Variants in AOAH observed in about 807,000 individuals in gnomAD.
The protein encoded by AOAH is acyloxyacyl hydrolase.
Under a neutral mutation model 92.2 loss-of-function variants are expected in AOAH, and 64 were observed. The ratio of observed to expected loss-of-function variants is 0.69; its 90% CI spans 0.57 to 0.86. The LOEUF is 0.86. Ranked by LOEUF, AOAH falls within the 40% of genes least tolerant of loss-of-function variation. The pLI, the probability that AOAH is intolerant of heterozygous loss-of-function variation, is 0.00. For missense variants in AOAH, 656 were observed against 694.6 expected, an observed-to-expected ratio of 0.94 and a Z score of 0.62; for synonymous variants, 263 against 254.5, an observed-to-expected ratio of 1.03 and a Z score of -0.32.
At chr7:36,714,936 C>G (rs1163634199) in intron 1 of AOAH, among the ~76,000 whole-genome samples, 1 of 152,164 alleles carries the variant, frequency 6.6e-6, no homozygotes, top group Admixed American at 6.5e-5. Context: ...GATGCCCTCT[C>G]TCACCACACC....
intron 13 of AOAH, among the ~76,000 whole-genome samples, chr7:36,569,110 C>T (rs1480121109): frequency 6.6e-6 from 1 of 152,132 alleles, no homozygotes; most frequent in Non-Finnish European, 1.5e-5. Flanking sequence ...AGTGGGCGAA[C>T]AGAGAGGGGA....
chr7:36,695,447 T>A (rs1024255416), intron 1 of AOAH, among the ~76,000 whole-genome samples: 1 of 152,078 alleles, frequency 6.6e-6, no homozygotes, highest in African/African-American at 2.4e-5. Context: ...CTGCTAGGCG[T>A]TTTTTACAAA....
chr7:36,698,194 ACTCTCC>A (rs953662944), intron 1 of AOAH, among the ~76,000 whole-genome samples: 11 of 151,494 alleles, frequency 7.3e-5, no homozygotes, highest in Middle Eastern at 3.4e-3. Context: ...TTTTATCTAA[ACTCTCC>A]CTCTACCTTC....
intron 19 of AOAH, 100 bp from the exon 20 acceptor site, chr7:36,522,215 C>G (rs1176846608): frequency 9.4e-7 from 1 of 1,058,708 alleles, no homozygotes; most frequent in African/African-American, 1.6e-5. Context: ...CTCCCGGGCC[C>G]ATGTTGACCA....
intron 11 of AOAH, among the ~76,000 whole-genome samples, chr7:36,594,917 A>G (rs1207658011): frequency 6.6e-6 from 1 of 152,068 alleles, no homozygotes; most frequent in Non-Finnish European, 1.5e-5. Context: ...ATTTTTGAGA[A>G]TCTAATTGTG....
In AOAH at chr7:36,594,491, G is replaced by A. The variant is rs527897477; in HGVS notation, c.847-61C>T. 237 of 1,365,890 alleles carry A rather than the reference G, an allele frequency of 1.7e-4. 3 individuals carry two copies. The South Asian group carries it at 2.6e-3, about 15-fold the overall frequency. The allele number at this position is 1,365,890 out of a possible 1,614,324, so 84.6% of individuals were successfully genotyped here. On this transcript the variant is annotated intron_variant, in intron 11 of 20. Transcript: ENST00000617537. ...GTCATTTATTTTCTAAAGGTAGTAA[G>A]AAAATTCATGGCCTGAGTGTTGCTC...
chr7:36,527,576 A>G (rs900261418), intron 19 of AOAH, among the ~76,000 whole-genome samples: 6 of 151,724 alleles, frequency 4.0e-5, no homozygotes, highest in African/African-American at 1.5e-4. Context: ...CTTCATACAC[A>G]CGGATGATGG....
chr7:36,576,585 A>G lies in AOAH; in HGVS notation c.1010T>C (p.Ile337Thr), dbSNP rs1788513747. The change falls in exon 13 of 21, where the codon ATT (isoleucine) becomes ACT (threonine). Residue 337 changes from isoleucine to threonine, a missense_variant. Physicochemically the swap from Ile to Thr is moderately conservative, Grantham distance 89. Coordinates refer to ENST00000617537, the MANE Select transcript of AOAH (RefSeq NM_001637.4). Reference sequence around the variant, plus strand: ...GGAAAGTTACGTACCATTTCTTGAAATATTCTGGTAGTCCCTGTGATTACA... The same window carrying G: ...GGAAAGTTACGTACCATTTCTTGAAGTATTCTGGTAGTCCCTGTGATTACA... ...NHCNHRDYQNISRNGASSRNL... is the reference protein window; with the variant it reads ...NHCNHRDYQNTSRNGASSRNL... 7.7e-6 allele frequency: 12 copies of G among 1,565,126 alleles called. No individual in the cohort carries two copies. The highest frequency in any genetic ancestry group is 1.0e-5 in the Non-Finnish European group (12 of 1,149,324).
At chr7:36,555,771 G>A (rs540897772) in intron 13 of AOAH, among the ~76,000 whole-genome samples, 94 of 152,226 alleles carry the variant, frequency 6.2e-4, no homozygotes, top group Middle Eastern at 3.4e-3. Flanking sequence ...GTTTATTTGC[G>A]TAGAGGTGTT....
At chr7:36,535,726 C>T (rs556059244) in intron 16 of AOAH, among the ~76,000 whole-genome samples, 5 of 142,222 alleles carry the variant, frequency 3.5e-5, no homozygotes, top group East Asian at 2.1e-4. Context: ...AGTTCGCTAG[C>T]GGAGTTTTTT....
At chr7:36,653,858 G>A (rs1794721003) in intron 4 of AOAH, among the ~76,000 whole-genome samples, 1 of 152,158 alleles carries the variant, frequency 6.6e-6, no homozygotes, top group Non-Finnish European at 1.5e-5. Flanking sequence ...AGGTCTGCCT[G>A]GAGATCTCAA....
rs1462741832 is a variant in AOAH, at chr7:36,513,097, T to TA, written c.*154dup. 1.9e-6 allele frequency: 3 copies of TA among 1,590,244 alleles called. No individual in the cohort carries two copies. The African/African-American group carries it at 4.0e-5, about 21-fold the overall frequency. ...ACACAGCATTGCACAGTCGTCCAGA[T>TA]ATGCTCTTCATTGAGAGAAAGACAT... On this transcript the variant is annotated 3_prime_UTR_variant, in exon 21 of 21. Coordinates refer to ENST00000617537, the MANE Select transcript of AOAH (RefSeq NM_001637.4).
chr7:36,519,250 C>A (rs1783985538), intron 20 of AOAH, among the ~76,000 whole-genome samples: 1 of 152,214 alleles, frequency 6.6e-6, no homozygotes, highest in Non-Finnish European at 1.5e-5. Flanking sequence ...TCTGTCAACT[C>A]CACGGTCATA....
intron 12 of AOAH, among the ~76,000 whole-genome samples, chr7:36,589,873 T>C (rs1014745845): frequency 6.6e-6 from 1 of 152,220 alleles, no homozygotes; most frequent in Non-Finnish European, 1.5e-5. Flanking sequence ...AGGATTTTCC[T>C]GTTATATGAA....
At position 36,686,797 on chromosome 7, in the gene AOAH, G is replaced by T; in HGVS notation, c.128-3C>A. The T allele has an allele frequency of 1.3e-6, 2 of 1,533,338 alleles. No individual in the cohort carries two copies. Among genetic ancestry groups the T allele is most frequent in the Non-Finnish European group, 1.8e-6 (2 of 1,140,296 alleles). The allele number at this position is 1,533,338 out of a possible 1,614,324, so 95.0% of individuals were successfully genotyped here. A position where few individuals can be genotyped will look rare whatever the true frequency, so the allele number is the denominator to read the frequency against. On this transcript the variant is annotated splice_region_variant and splice_polypyrimidine_tract_variant and intron_variant, in intron 1 of 20. Coordinates refer to ENST00000617537, the MANE Select transcript of AOAH (RefSeq NM_001637.4). ...TACAGACACCACCAGCACACACCCT[G>T]CCAGGGAGGAGAAGAACATGTAATC...
intron 19 of AOAH, among the ~76,000 whole-genome samples, chr7:36,523,632 T>TTTTTTTG (rs1562860637): frequency 2.2e-5 from 3 of 138,472 alleles, no homozygotes; most frequent in Non-Finnish European, 4.8e-5. Flanking sequence ...TTTGCCTGTT[T>TTTTTTTG]TTTTTTTTTT....
intron 12 of AOAH, among the ~76,000 whole-genome samples, chr7:36,581,256 C>A (rs1020914398): frequency 6.6e-6 from 1 of 152,224 alleles, no homozygotes; most frequent in African/African-American, 2.4e-5. Flanking sequence ...GGATGCAGCT[C>A]TCCTGAATCT....
intron 5 of AOAH, among the ~76,000 whole-genome samples, chr7:36,636,659 T>C (rs1418129464): frequency 6.6e-5 from 10 of 152,250 alleles, no homozygotes; most frequent in Admixed American, 6.5e-4. Context: ...ATCAGTTATG[T>C]AGAAATGCCT....
At chr7:36,653,103 AC>A (rs1032937545) in intron 4 of AOAH, among the ~76,000 whole-genome samples, 1 of 152,210 alleles carries the variant, frequency 6.6e-6, no homozygotes, top group African/African-American at 2.4e-5. Context: ...TGAAATTATT[AC>A]CAAAAAACGT....
Sources: allele counts gnomAD v4.1 joint callset (sites outside exome capture counted in the v4.1 genomes callset), GRCh38; gene constraint gnomAD v4.1.1; transcripts MANE v1.5; gene names NCBI Gene and HGNC (gene_info 2026-07-23, HGNC 2026-07-21).